Variants in ANGPT2 observed in about 807,000 individuals in gnomAD.
ANGPT2 encodes angiopoietin 2.
In ANGPT2, 28 loss-of-function variants were observed where a neutral mutation model predicts 62.9. The observed-to-expected ratio is 0.44, with a 90% CI of 0.33 to 0.61. The LOEUF is 0.61. Ranked by LOEUF, ANGPT2 falls within the 20% of genes least tolerant of loss-of-function variation. ANGPT2 has a pLI of 0.03. For missense variants in ANGPT2, 727 were observed against 594.9 expected (o/e 1.22, Z -2.31); for synonymous variants, 284 against 207.8 (o/e 1.37, Z -3.15).
At position 6,508,987 on chromosome 8, in the gene ANGPT2, T is replaced by G. The variant is rs1218417767; in HGVS notation, c.1272A>C (p.Thr424=). 6.2e-7 allele frequency: 1 copy of G among 1,614,074 alleles called. No individual in the cohort carries two copies. The highest frequency in any genetic ancestry group is 8.5e-7 in the Non-Finnish European group (1 of 1,180,034). ...TACATTTGTCGTTGTCTCCATCCTT[T>G]GTGCTAAAATCATTTCCTGGTTGGC... ...SISQPGNDFS[T]KDGDNDKCIC... The change falls in exon 8 of 9, where the codon ACA becomes ACC. Residue 424 remains threonine, a synonymous_variant. Transcript: ENST00000629816.
At position 6,499,642 on chromosome 8, in the gene ANGPT2, T is replaced by C; in HGVS notation, c.*3459A>G. ...GAATAATGACTCAGATTTCTTGTTA[T>C]CGTGAGACTTTTTCTCAATCAACTT... On this transcript the variant is annotated 3_prime_UTR_variant, in exon 9 of 9. Transcript: ENST00000629816. 3 of 520,258 alleles carry C rather than the reference T, an allele frequency of 5.8e-6. No individual in the cohort carries two copies. The highest frequency in any genetic ancestry group is 6.5e-5 in the East Asian group (2 of 30,854). The allele number at this position is 520,258 out of a possible 1,614,324, so 32.2% of individuals were successfully genotyped here.
At chr8:6,527,506 C>A (rs1350668540) in intron 3 of ANGPT2, 49 bp downstream of exon 3, 5 of 1,586,734 alleles carry the variant, frequency 3.2e-6, no homozygotes, top group Admixed American at 3.4e-5. Context: ...ACTTTCATAT[C>A]TGGAAAGTGT....
At chr8:6,548,308 C>A (rs926617488) in intron 1 of ANGPT2, among the ~76,000 whole-genome samples, 13 of 152,120 alleles carry the variant, frequency 8.5e-5, no homozygotes, top group African/African-American at 3.1e-4. Flanking sequence ...TCTACTCGTG[C>A]GTCACTTCCC....
In ANGPT2 at chr8:6,502,652, G is replaced by A. The variant is rs1812421421; in HGVS notation, c.*449C>T. ...GAGAGTTTTTTTCTTCCTTTTAATT[G>A]TGATAGTGATGGTGAATTCAGGACA... On this transcript the variant is annotated 3_prime_UTR_variant, in exon 9 of 9. Coordinates refer to ENST00000629816, the MANE Select transcript of ANGPT2 (RefSeq NM_001118887.2). 1 of 153,426 alleles carries A rather than the reference G, an allele frequency of 6.5e-6. No homozygotes were observed. Among genetic ancestry groups the A allele is most frequent in the Admixed American group, 6.5e-5 (1 of 15,294 alleles). 9.5% of individuals were successfully genotyped at this position (153,426 alleles called of 1,614,324 possible).
chr8:6,526,365 T>G (rs1818339157), intron 3 of ANGPT2, among the ~76,000 whole-genome samples: 1 of 150,878 alleles, frequency 6.6e-6, no homozygotes, highest in Admixed American at 6.6e-5. Flanking sequence ...GCCCAGGAGG[T>G]TGAGGATGCA....
intron 1 of ANGPT2, among the ~76,000 whole-genome samples, chr8:6,534,659 T>G (rs1048773815): frequency 1.3e-5 from 2 of 152,028 alleles, no homozygotes; most frequent in Non-Finnish European, 2.9e-5. Flanking sequence ...TTTAAAAAAA[T>G]AAAAAATCAG....
intron 7 of ANGPT2, among the ~76,000 whole-genome samples, chr8:6,510,360 T>C (rs1034745587): frequency 1.1e-4 from 17 of 152,300 alleles, no homozygotes; most frequent in Admixed American, 7.8e-4. Flanking sequence ...CCTGCAATGG[T>C]GGCAGGAGAA....
In ANGPT2 at chr8:6,521,305, ATTTTGC is replaced by A; in HGVS notation, c.666_671del (p.Lys222_Gln223del). On this transcript the variant is annotated inframe_deletion, in exon 4 of 9. Transcript: ENST00000629816. Reference sequence around the variant, plus strand: ...TTTTTTCTAGTTCTTCAATGATGGAATTTTGCTTGGATACTAACACCTGTAGCTGAT... The same window carrying A: ...TTTTTTCTAGTTCTTCAATGATGGAATTGGATACTAACACCTGTAGCTGAT... 1 of 1,613,718 alleles carries A rather than the reference ATTTTGC, an allele frequency of 6.2e-7. No individual in the cohort carries two copies. The highest frequency in any genetic ancestry group is 8.5e-7 in the Non-Finnish European group (1 of 1,179,894).
chr8:6,530,413 G>T (rs1819252658), intron 2 of ANGPT2, among the ~76,000 whole-genome samples: 1 of 151,088 alleles, frequency 6.6e-6, no homozygotes, highest in Non-Finnish European at 1.5e-5. Flanking sequence ...GGAGGCTAAG[G>T]CACGAGAATC....
At chr8:6,503,571 G>C (rs1471760455) in intron 8 of ANGPT2, among the ~76,000 whole-genome samples, 1 of 152,178 alleles carries the variant, frequency 6.6e-6, no homozygotes, top group Admixed American at 6.5e-5. Context: ...ACTTACAGCA[G>C]GAGTAAGCAA....
At chr8:6,511,009 T>C (rs1814971622) in intron 7 of ANGPT2, among the ~76,000 whole-genome samples, 1 of 152,232 alleles carries the variant, frequency 6.6e-6, no homozygotes, top group African/African-American at 2.4e-5. Context: ...TCCATTGTCT[T>C]CCCATTAATC....
At chr8:6,512,457 C>T (rs1212188308) in intron 7 of ANGPT2, among the ~76,000 whole-genome samples, 1 of 152,120 alleles carries the variant, frequency 6.6e-6, no homozygotes, top group Admixed American at 6.6e-5. Flanking sequence ...TCGTGTTGAC[C>T]TTCATTTGCT....
chr8:6,556,030 C>T (rs1316924814), intron 1 of ANGPT2, among the ~76,000 whole-genome samples: 1 of 152,170 alleles, frequency 6.6e-6, no homozygotes, highest in African/African-American at 2.4e-5. Flanking sequence ...TATCTCAGGC[C>T]TGATGCTGGC....
In ANGPT2 at chr8:6,501,935, T is replaced by C. The variant is rs1377078876; in HGVS notation, c.*1166A>G. ...GTTTTTGCACTTTGAAACCCTTTTTTTTTTTTCAGTTTGCTGATTGACATA... is the reference window on the plus strand; with the variant it reads ...GTTTTTGCACTTTGAAACCCTTTTTCTTTTTTCAGTTTGCTGATTGACATA... On this transcript the variant is annotated 3_prime_UTR_variant, in exon 9 of 9. Transcript: ENST00000629816. 6.6e-6 allele frequency: 1 copy of C among 152,084 alleles called. No homozygotes were observed. The highest frequency in any genetic ancestry group is 6.6e-5 in the Admixed American group (1 of 15,260). The allele number at this position is 152,084 out of a possible 1,614,324, so 9.4% of individuals were successfully genotyped here. A position where few individuals can be genotyped will look rare whatever the true frequency, so the allele number is the denominator to read the frequency against.
chr8:6,536,433 G>T lies in ANGPT2; in HGVS notation c.289-3946C>A, dbSNP rs545716600. ...AGCCAAAGTGATATATCTCAAAATT[G>T]GCTTGAGTATGCCTTCCAATTCCAG... On this transcript the variant is annotated intron_variant, in intron 1 of 8. Transcript: ENST00000629816. Among the ~76,000 whole-genome samples, 3 of 152,144 alleles carry T rather than the reference G, an allele frequency of 2.0e-5. No homozygotes were observed. In the South Asian group the frequency reaches 6.2e-4, roughly 32 times the overall value.
intron 8 of ANGPT2, among the ~76,000 whole-genome samples, chr8:6,507,356 T>C (rs1256026759): frequency 6.6e-6 from 1 of 152,236 alleles, no homozygotes; most frequent in East Asian, 1.9e-4. Context: ...TTATGTTCTC[T>C]AGAAATTAAA....
At chr8:6,511,443 G>A (rs985309834) in intron 7 of ANGPT2, among the ~76,000 whole-genome samples, 25 of 152,172 alleles carry the variant, frequency 1.6e-4, no homozygotes, top group Admixed American at 8.5e-4. Context: ...TTTAATGTAC[G>A]CATAGCTTTT....
intron 1 of ANGPT2, among the ~76,000 whole-genome samples, chr8:6,544,538 T>C (rs961286695): frequency 2.0e-5 from 3 of 152,238 alleles, no homozygotes; most frequent in African/African-American, 7.2e-5. Context: ...CAAGTCATTT[T>C]CGGAGAGAGT....
intron 3 of ANGPT2, among the ~76,000 whole-genome samples, chr8:6,525,709 G>A (rs187709696): frequency 1.2e-4 from 19 of 152,270 alleles, no homozygotes; most frequent in Admixed American, 1.2e-3. Flanking sequence ...TCATACACCT[G>A]TAAAATCATC....
Sources: gnomAD v4.1 joint callset for allele counts (sites outside exome capture counted in the v4.1 genomes callset) on GRCh38, gnomAD v4.1.1 for gene constraint, MANE v1.5 for transcripts, NCBI Gene and HGNC (gene_info 2026-07-23, HGNC 2026-07-21) for gene names.